CDH18: variants seen among roughly 807,000 people sequenced by gnomAD.
CDH18 encodes cadherin 18.
In CDH18, 31 loss-of-function variants were observed where a neutral mutation model predicts 67.9. The observed-to-expected ratio is 0.46, with a 90% CI of 0.34 to 0.62. CDH18 has a LOEUF of 0.62. Among genes scored for constraint, CDH18 ranks in the 20% least tolerant of loss-of-function variants. The pLI is 0.01. For missense variants in CDH18, 890 were observed against 975.5 expected (o/e 0.91, Z 1.17); for synonymous variants, 362 against 347.2 (o/e 1.04, Z -0.48).
At chr5:20,307,890 C>A (rs959869395) in intron 1 of CDH18, among the ~76,000 whole-genome samples, 1 of 152,082 alleles carries the variant, frequency 6.6e-6, no homozygotes, top group Non-Finnish European at 1.5e-5. Flanking sequence ...CACTTTTAGT[C>A]CTTCATTAAC....
chr5:19,837,414 TA>T (rs570111561), intron 3 of CDH18, among the ~76,000 whole-genome samples: 1,547 of 148,554 alleles, frequency 0.01, 22 homozygotes, highest in African/African-American at 0.036. Context: ...ATAATTTTTT[TA>T]AAAAAAAAAG....
In CDH18 at chr5:20,289,930, T is replaced by G. The variant is rs116013204; in HGVS notation, c.-579-34425A>C. On this transcript the variant is annotated intron_variant, in intron 1 of 14. Transcript: ENST00000507958. ...TGTTTTCATAACCTAATCGCTTAGT[T>G]TTGTTGTTAATATCACTACTTTGCC... 5.9e-3 allele frequency among the ~76,000 whole-genome samples: 905 copies of G among 152,182 alleles called. 10 individuals are homozygous for G. Among genetic ancestry groups the G allele is most frequent in the African/African-American group, 0.021 (864 of 41,534 alleles).
chr5:20,042,916 C>T (rs1037838524), intron 2 of CDH18, among the ~76,000 whole-genome samples: 1 of 151,856 alleles, frequency 6.6e-6, no homozygotes, highest in Admixed American at 6.6e-5. Context: ...GAGCCAAGAT[C>T]GCGCCACTGC....
intron 1 of CDH18, among the ~76,000 whole-genome samples, chr5:20,573,467 A>C (rs1456789553): frequency 6.6e-6 from 1 of 151,922 alleles, no homozygotes; most frequent in African/African-American, 2.4e-5. Context: ...ATAAAATTCA[A>C]AGTAATTTGT....
chr5:20,263,890 G>A (rs960090813), intron 1 of CDH18, among the ~76,000 whole-genome samples: 1 of 151,950 alleles, frequency 6.6e-6, no homozygotes, highest in African/African-American at 2.4e-5. Flanking sequence ...TTTACTACTA[G>A]CTAAGGAAAA....
chr5:20,123,861 T>C, intron 2 of CDH18, among the ~76,000 whole-genome samples: 1 of 128,960 alleles, frequency 7.8e-6, no homozygotes, highest in Non-Finnish European at 1.5e-5. Context: ...CACTCCAGCC[T>C]GGGAGACAGA....
intron 5 of CDH18, among the ~76,000 whole-genome samples, chr5:19,705,885 T>C (rs1214091040): frequency 6.6e-6 from 1 of 152,182 alleles, no homozygotes; most frequent in African/African-American, 2.4e-5. Flanking sequence ...TGAAACTGTT[T>C]CAATTTTTGA....
chr5:19,988,212 A>C (rs1480125330), upstream of CDH18: 1 of 152,028 alleles, frequency 6.6e-6, no homozygotes, highest in African/African-American at 2.4e-5. Context: ...GGCTCCGCGC[A>C]CCTCGAGCCC....
chr5:19,963,491 C>G (rs1017088601), intron 2 of CDH18, among the ~76,000 whole-genome samples: 3 of 152,046 alleles, frequency 2.0e-5, no homozygotes, highest in Non-Finnish European at 4.4e-5. Flanking sequence ...GATGGTTACA[C>G]TTATGATGCT....
At chr5:20,235,090 A>C (rs1405835246) in intron 2 of CDH18, among the ~76,000 whole-genome samples, 1 of 152,146 alleles carries the variant, frequency 6.6e-6, no homozygotes, top group Admixed American at 6.6e-5. Flanking sequence ...AGAAGAATGA[A>C]ACTGGACACC....
intron 7 of CDH18, among the ~76,000 whole-genome samples, chr5:19,590,200 T>G (rs1164850759): frequency 6.6e-6 from 1 of 152,054 alleles, no homozygotes; most frequent in Non-Finnish European, 1.5e-5. Flanking sequence ...AATTGTCTCT[T>G]TTCATTATCC....
chr5:19,564,274 C>G (rs138414593), intron 8 of CDH18, among the ~76,000 whole-genome samples: 1,807 of 152,288 alleles, frequency 0.012, 30 homozygotes, highest in African/African-American at 0.04. Context: ...TCTGCCACTC[C>G]TCCCCCAACC....
At chr5:20,053,796 C>G (rs1052291148) in intron 2 of CDH18, among the ~76,000 whole-genome samples, 1 of 152,072 alleles carries the variant, frequency 6.6e-6, no homozygotes, top group African/African-American at 2.4e-5. Flanking sequence ...AAAACCACAA[C>G]AAAAGTGATG....
At chr5:20,356,696 C>T (rs995808305) in intron 1 of CDH18, among the ~76,000 whole-genome samples, 2 of 148,246 alleles carry the variant, frequency 1.3e-5, no homozygotes, top group Non-Finnish European at 3.0e-5. Flanking sequence ...ACCAAACATA[C>T]CTAGATATGG....
At chr5:19,753,007 C>T (rs544729684) in intron 3 of CDH18, among the ~76,000 whole-genome samples, 2 of 152,234 alleles carry the variant, frequency 1.3e-5, no homozygotes, top group South Asian at 4.1e-4. Flanking sequence ...GGAAACACCC[C>T]ATGTGAAAAA....
intron 2 of CDH18, chr5:19,848,039 T>C (rs1304563057): frequency 1.3e-5 from 2 of 152,140 alleles, no homozygotes; most frequent in Non-Finnish European, 2.9e-5. Context: ...AAGGGTAGAA[T>C]ATTTGACATA....
intron 2 of CDH18, among the ~76,000 whole-genome samples, chr5:19,885,654 G>A (rs905062497): frequency 1.3e-5 from 2 of 152,064 alleles, no homozygotes; most frequent in Non-Finnish European, 1.5e-5. Context: ...TAGAGCTTCC[G>A]GGCTCAAGTA....
chr5:19,794,359 A>AAAGGGT (rs1776643989), intron 3 of CDH18, among the ~76,000 whole-genome samples: 1 of 152,102 alleles, frequency 6.6e-6, no homozygotes, highest in Admixed American at 6.6e-5. Context: ...AAAGATGGAG[A>AAAGGGT]AAGGGTGAGT....
At chr5:19,757,847 G>A (rs1384698824) in intron 3 of CDH18, among the ~76,000 whole-genome samples, 1 of 152,242 alleles carries the variant, frequency 6.6e-6, no homozygotes, top group Non-Finnish European at 1.5e-5. Flanking sequence ...CACGTGCACT[G>A]TTTGAAGTTC....
Sources: gnomAD v4.1 joint callset for allele counts (sites outside exome capture counted in the v4.1 genomes callset) on GRCh38, gnomAD v4.1.1 for gene constraint, MANE v1.5 for transcripts, NCBI Gene and HGNC (gene_info 2026-07-23, HGNC 2026-07-21) for gene names.